PHF3: variants seen among roughly 807,000 people sequenced by gnomAD.
PHF3 encodes PHD finger protein 3.
PHF3 carries 41 observed loss-of-function variants against 178.4 expected under a neutral mutation model. The ratio of observed to expected loss-of-function variants is 0.23; its 90% CI spans 0.18 to 0.30. The LOEUF (loss-of-function observed/expected upper bound fraction) is 0.30. Among genes scored for constraint, PHF3 ranks in the 10% least tolerant of loss-of-function variants. PHF3 has a pLI of 1.00. For synonymous variants in PHF3, 842 were observed against 800.5 expected (o/e 1.05, Z -0.88); for missense variants, 2,346 against 2,398.1 (o/e 0.98, Z 0.45).
At chr6:63,705,114 G>A (rs560390368) in intron 11 of PHF3, among the ~76,000 whole-genome samples, 1 of 152,278 alleles carries the variant, frequency 6.6e-6, no homozygotes, top group African/African-American at 2.4e-5. Context: ...ATGAGCTGTT[G>A]CTATATAATC....
intron 11 of PHF3, among the ~76,000 whole-genome samples, chr6:63,704,535 G>A (rs1166103855): frequency 6.6e-6 from 1 of 150,726 alleles, no homozygotes; most frequent in Non-Finnish European, 1.5e-5. Context: ...CTTTCACTTA[G>A]TAATATGCAT....
intron 4 of PHF3, among the ~76,000 whole-genome samples, chr6:63,689,540 AAG>A (rs762875676): frequency 3.9e-5 from 6 of 152,140 alleles, no homozygotes; most frequent in Non-Finnish European, 8.8e-5. Context: ...CTGATCTTAG[AAG>A]AGTGAGTCTT....
At chr6:63,658,345 G>C (rs1364745451) in intron 2 of PHF3, among the ~76,000 whole-genome samples, 2 of 151,816 alleles carry the variant, frequency 1.3e-5, no homozygotes, top group Admixed American at 6.6e-5. Flanking sequence ...ATTTGCTTTT[G>C]GTCTTCTTTT....
rs941738176 is a variant in PHF3, at chr6:63,719,139, T to C, written c.*5431T>C. Among the ~76,000 whole-genome samples, 8 of 152,106 alleles carry C rather than the reference T, an allele frequency of 5.3e-5. No individual in the cohort carries two copies. The highest frequency in any genetic ancestry group is 1.2e-4 in the Non-Finnish European group (8 of 67,966). ...TGTATGTTTGGAAACATTTGTGCCC[T>C]GTCAAATGGTGTTGACATTCTTAAC... On this transcript the variant is annotated 3_prime_UTR_variant, in exon 16 of 16. Coordinates refer to ENST00000262043, the MANE Select transcript of PHF3 (RefSeq NM_001370348.2).
rs777208484 is a variant in PHF3, at chr6:63,713,420, A to G, written c.5832A>G (p.Glu1944=). The part of the protein sequence containing the change: ...RHEKEWEQES[E]RHRRRDRSQD... ...AAAAGGAATGGGAGCAAGAATCTGA[A>G]AGGCATAGACGCAGAGACAGAAGCC... Residue 1944 remains glutamate (E), a synonymous_variant, in exon 16 of 16, where the codon GAA becomes GAG. Coordinates refer to ENST00000262043, the MANE Select transcript of PHF3 (RefSeq NM_001370348.2). 5 of 1,614,018 alleles carry G rather than the reference A, an allele frequency of 3.1e-6. No individual in the cohort carries two copies. In the Admixed American group the frequency reaches 6.7e-5, roughly 22 times the overall value.
intron 10 of PHF3, 24 bp from the exon 11 acceptor site, chr6:63,703,512 A>G (rs934082453): frequency 1.9e-6 from 3 of 1,588,306 alleles, no homozygotes; most frequent in Admixed American, 1.9e-5. Flanking sequence ...AGCTAAAACT[A>G]ATTTTTACTT....
rs750069520 is a variant in PHF3, at chr6:63,713,068, G to A, written c.5480G>A (p.Ser1827Asn). 1.2e-6 allele frequency: 2 copies of A among 1,613,892 alleles called. No individual in the cohort carries two copies. The highest frequency in any genetic ancestry group is 2.2e-5 in the South Asian group (2 of 91,068). ...FPGPPNFPPQ[S>N]MFGFPPHLPP... The stretch of plus-strand genomic sequence containing the variant: ...GGGCCTCCTAATTTTCCCCCACAAA[G>A]CATGTTTGGATTTCCACCACATTTG... The change falls in exon 16 of 16, where the codon AGC (serine) becomes AAC (asparagine). Residue 1827 changes from serine to asparagine, a missense_variant. Around this residue, in one of 8 missense-constraint regions of PHF3, gnomAD observed 839 missense variants for 806.9 expected, o/e 1.04. Coordinates refer to ENST00000262043, the MANE Select transcript of PHF3 (RefSeq NM_001370348.2).
rs1180948976 is a variant in PHF3, at chr6:63,706,641, A to G, written c.3564-88A>G. The G allele has an allele frequency of 6.1e-6, 8 of 1,302,388 alleles. No homozygotes were observed. In the Middle Eastern group the frequency reaches 7.0e-4, roughly 114 times the overall value. The allele number at this position is 1,302,388 out of a possible 1,614,324, so 80.7% of individuals were successfully genotyped here. ...ATAGCCTCATATTTTGGCCTTCTTC[A>G]CATGCTAAAATACGAGTAACTGATG... On this transcript the variant is annotated intron_variant, in intron 12 of 15. Transcript: ENST00000262043.
At position 63,691,915 on chromosome 6, in the gene PHF3, A is replaced by G. The variant is rs749234787; in HGVS notation, c.2368A>G (p.Thr790Ala). The part of the protein sequence containing the change: ...LDPDTLENQA[T>A]VEFHSGDKTM... ...TCCAGATACTTTGGAAAACCAAGCTACAGTTGAATTCCATAGTGGAGATAA... is the reference window on the plus strand; with the variant it reads ...TCCAGATACTTTGGAAAACCAAGCTGCAGTTGAATTCCATAGTGGAGATAA... The change falls in exon 5 of 16, where the codon ACA becomes GCA. Residue 790 changes from threonine (T) to alanine (A), a missense_variant. By Grantham distance (58) the Thr-to-Ala change is moderately conservative. Transcript: ENST00000262043. 53 of 1,613,864 alleles carry G rather than the reference A, an allele frequency of 3.3e-5. No homozygotes were observed. The highest frequency in any genetic ancestry group is 3.5e-5 in the Non-Finnish European group (41 of 1,179,872).
chr6:63,669,678 A>C (rs541216391), intron 2 of PHF3, among the ~76,000 whole-genome samples: 1 of 152,190 alleles, frequency 6.6e-6, no homozygotes, highest in South Asian at 2.1e-4. Context: ...TTCTTGAGGA[A>C]GGCTCTAGAG....
chr6:63,653,267 A>G lies in PHF3; in HGVS notation c.244+6472A>G, dbSNP rs529433117. Among the ~76,000 whole-genome samples the G allele has an allele frequency of 7.4e-4, 112 of 150,772 alleles. 2 individuals carry two copies. In the South Asian group the frequency reaches 0.022, roughly 30 times the overall value. ...TTTTGGTAGGCATTGCATTGAATCT[A>G]TACACTGCTTTTGGTAGGTAATGTG... On this transcript the variant is annotated intron_variant, in intron 2 of 15. Transcript: ENST00000262043.
chr6:63,711,794 T>C lies in PHF3; in HGVS notation c.4206T>C (p.Phe1402=), dbSNP rs1218105860. ...PEEENDFFNS[F]TTVLHKQRNK... is the part of the protein sequence containing the mutation. ...AAGAAAATGACTTTTTTAATTCTTTTACAACTGTATTACACAAGCAGAGAA... is the reference window on the plus strand; with the variant it reads ...AAGAAAATGACTTTTTTAATTCTTTCACAACTGTATTACACAAGCAGAGAA... The change falls in exon 16 of 16, where the codon TTT becomes TTC. Residue 1402 remains phenylalanine (F), a synonymous_variant. Coordinates refer to ENST00000262043, the MANE Select transcript of PHF3 (RefSeq NM_001370348.2). 4 of 1,613,362 alleles carry C rather than the reference T, an allele frequency of 2.5e-6. No homozygotes were observed. The highest frequency in any genetic ancestry group is 3.4e-6 in the Non-Finnish European group (4 of 1,179,804).
intron 10 of PHF3, 56 bp from the exon 11 acceptor site, chr6:63,703,480 A>G (rs1323901405): frequency 6.5e-7 from 1 of 1,538,896 alleles, no homozygotes. Flanking sequence ...ATTGATTTTG[A>G]TAATTGAGGC....
intron 2 of PHF3, among the ~76,000 whole-genome samples, chr6:63,649,761 A>G (rs897447228): frequency 6.6e-6 from 1 of 152,222 alleles, no homozygotes; most frequent in African/African-American, 2.4e-5. Flanking sequence ...GTATTACTTC[A>G]TCTAATTGTA....
At chr6:63,703,389 TAA>T in intron 10 of PHF3, 145 bp from the exon 11 acceptor site, 1 of 743,262 alleles carries the variant, frequency 1.3e-6, no homozygotes, top group Non-Finnish European at 2.1e-6. Flanking sequence ...TAAGAAATAG[TAA>T]AAAAAAACCA....
rs569584948 is a variant in PHF3 at position 63,706,110 on chromosome 6, A to G, written c.3449A>G (p.Asn1150Ser). Residue 1150 changes from asparagine to serine, a missense_variant, in exon 12 of 16, where the codon AAT (asparagine) becomes AGT (serine). This residue lies in a region of PHF3 where 205 missense variants were observed against 212.4 expected (regional missense o/e 0.97). Transcript: ENST00000262043. ...GGAGTAGCTCGCAAACATTCAGACAATGAAGCAGAAAGTATAGCAGATGCA... is the reference window on the plus strand; with the variant it reads ...GGAGTAGCTCGCAAACATTCAGACAGTGAAGCAGAAAGTATAGCAGATGCA... Reference protein sequence around the residue: ...VVGVARKHSDNEAESIADALS... With the variant: ...VVGVARKHSDSEAESIADALS... 1.6e-5 allele frequency: 26 copies of G among 1,613,984 alleles called. No homozygotes were observed. The highest frequency in any genetic ancestry group is 2.2e-5 in the East Asian group (1 of 44,852).
intron 9 of PHF3, among the ~76,000 whole-genome samples, chr6:63,700,956 C>T (rs891821055): frequency 6.6e-6 from 1 of 152,034 alleles, no homozygotes; most frequent in Non-Finnish European, 1.5e-5. Context: ...GTTTTTTTCT[C>T]ATTTTCTCCA....
At chr6:63,670,255 G>A (rs1442942305) in intron 2 of PHF3, among the ~76,000 whole-genome samples, 1 of 151,886 alleles carries the variant, frequency 6.6e-6, no homozygotes, top group Non-Finnish European at 1.5e-5. Context: ...GAGTAGAGGT[G>A]TTTTTTGTTT....
chr6:63,692,119 T>A, intron 5 of PHF3, 76 bp downstream of exon 5: 1 of 1,049,508 alleles, frequency 9.5e-7, no homozygotes, highest in Non-Finnish European at 1.4e-6. Context: ...ATTTTGAAAT[T>A]TCTCTTTAGA....
Sources: gnomAD v4.1 joint callset for allele counts (sites outside exome capture counted in the v4.1 genomes callset) on GRCh38, gnomAD v4.1.1 for gene constraint, gnomAD v4.1.1 regional missense constraint, MANE v1.5 for transcripts, NCBI Gene and HGNC (gene_info 2026-07-23, HGNC 2026-07-21) for gene names.